ZRANB3: variants seen among roughly 807,000 people sequenced by gnomAD.
The protein encoded by ZRANB3 is DNA annealing helicase and endonuclease ZRANB3.
In ZRANB3, 125 loss-of-function variants were observed where a neutral mutation model predicts 133.8. The observed-to-expected ratio is 0.93, with a 90% CI of 0.81 to 1.08. The LOEUF is 1.08. Among genes scored for constraint, ZRANB3 ranks in the 50% least tolerant of loss-of-function variants. The pLI is 0.00. For synonymous variants in ZRANB3, 387 were observed against 432.7 expected, an observed-to-expected ratio of 0.89 and a Z score of 1.31; for missense variants, 1,229 against 1,275.5, an observed-to-expected ratio of 0.96 and a Z score of 0.56.
chr2:135,355,911 TTC>T (rs1247584875), intron 3 of ZRANB3, among the ~76,000 whole-genome samples: 1 of 152,208 alleles, frequency 6.6e-6, no homozygotes, highest in Non-Finnish European at 1.5e-5. Context: ...GAAAGCAGAA[TTC>T]TCTCTCTGCA....
intron 8 of ZRANB3, among the ~76,000 whole-genome samples, chr2:135,277,796 G>A (rs1246549914): frequency 6.6e-6 from 1 of 151,854 alleles, no homozygotes; most frequent in Non-Finnish European, 1.5e-5. Flanking sequence ...GTGGTAGCAC[G>A]TGCCTGTAAT....
At chr2:135,414,661 G>C (rs1411635796) in intron 2 of ZRANB3, among the ~76,000 whole-genome samples, 1 of 151,970 alleles carries the variant, frequency 6.6e-6, no homozygotes, top group African/African-American at 2.4e-5. Context: ...ATTTTTTTCA[G>C]CACCACACCA....
chr2:135,345,965 C>CTTA (rs1298119538), intron 5 of ZRANB3, among the ~76,000 whole-genome samples: 32 of 152,224 alleles, frequency 2.1e-4, no homozygotes, highest in Middle Eastern at 3.4e-3. Context: ...GTTTTAAAAC[C>CTTA]TTATATAGAC....
chr2:135,405,583 C>A (rs1436034809), intron 2 of ZRANB3, among the ~76,000 whole-genome samples: 2 of 152,172 alleles, frequency 1.3e-5, no homozygotes, highest in Non-Finnish European at 2.9e-5. Context: ...AAGCACTCCT[C>A]AACAAATGTA....
chr2:135,403,135 G>A (rs564296185), intron 2 of ZRANB3, among the ~76,000 whole-genome samples: 1 of 152,282 alleles, frequency 6.6e-6, no homozygotes, highest in African/African-American at 2.4e-5. Context: ...GCACCCAGCA[G>A]GAGCCGAAGC....
intron 19 of ZRANB3, 101 bp from the exon 20 acceptor site, chr2:135,203,064 TG>T: frequency 7.2e-7 from 1 of 1,390,304 alleles, no homozygotes; most frequent in South Asian, 1.4e-5. Context: ...AGGAAAATCA[TG>T]GGGAAAAATA....
At chr2:135,227,730 A>C in intron 14 of ZRANB3, 82 bp downstream of exon 14, 2 of 1,313,416 alleles carry the variant, frequency 1.5e-6, no homozygotes, top group Non-Finnish European at 2.1e-6. Flanking sequence ...GGAACAAGGT[A>C]GTAATTACTA....
intron 3 of ZRANB3, among the ~76,000 whole-genome samples, chr2:135,385,505 C>T (rs1292501822): frequency 6.6e-6 from 1 of 151,990 alleles, no homozygotes; most frequent in Non-Finnish European, 1.5e-5. Context: ...TCATATGGAA[C>T]CAAAAAAGAG....
intron 12 of ZRANB3, among the ~76,000 whole-genome samples, chr2:135,241,336 C>T (rs368539557): frequency 6.7e-6 from 1 of 149,842 alleles, no homozygotes. Flanking sequence ...ATATTTTTAA[C>T]ATCTAAAAGT....
rs2105026843 is a variant in ZRANB3 at position 135,197,273 on chromosome 2, T to TAA, written c.*3067_*3068dup. ...TATCCATGATTCTGTATCCTATGAG[T>TAA]AAACACAACCTATTTACTGTAAAGA... On this transcript the variant is annotated 3_prime_UTR_variant, in exon 21 of 21. Coordinates refer to ENST00000264159, the MANE Select transcript of ZRANB3 (RefSeq NM_032143.4). 1 of 152,348 alleles carries TAA rather than the reference T, an allele frequency of 6.6e-6. No individual in the cohort carries two copies. Among genetic ancestry groups the TAA allele is most frequent in the East Asian group, 1.9e-4 (1 of 5,190 alleles). The allele number at this position is 152,348 out of a possible 1,614,324, so 9.4% of individuals were successfully genotyped here.
intron 2 of ZRANB3, among the ~76,000 whole-genome samples, chr2:135,435,797 G>A (rs1399198701): frequency 6.6e-6 from 1 of 152,148 alleles, no homozygotes; most frequent in Non-Finnish European, 1.5e-5. Context: ...CTTTTGAGAA[G>A]TGTCTGTTCA....
chr2:135,411,475 A>T (rs1159659060), intron 2 of ZRANB3, among the ~76,000 whole-genome samples: 1 of 152,180 alleles, frequency 6.6e-6, no homozygotes, highest in Non-Finnish European at 1.5e-5. Context: ...TCATATATTT[A>T]TCACAGCACT....
intron 2 of ZRANB3, among the ~76,000 whole-genome samples, chr2:135,490,649 T>C (rs868319830): frequency 6.6e-6 from 1 of 152,206 alleles, no homozygotes; most frequent in Non-Finnish European, 1.5e-5. Context: ...ACTGGGTATA[T>C]ATCCAAAAGA....
intron 3 of ZRANB3, among the ~76,000 whole-genome samples, chr2:135,365,555 T>C (rs1685895480): frequency 6.6e-6 from 1 of 152,130 alleles, no homozygotes; most frequent in Non-Finnish European, 1.5e-5. Context: ...TTAAAAAAAG[T>C]GTATGAAAAA....
In ZRANB3 at chr2:135,275,888, A is replaced by G. The variant is rs1471158018; in HGVS notation, c.967-133T>C. 9.7e-6 allele frequency: 6 copies of G among 621,308 alleles called. No homozygotes were observed. The African/African-American group carries it at 1.1e-4, about 12-fold the overall frequency. 38.5% of individuals were successfully genotyped at this position (621,308 alleles called of 1,614,324 possible). A position where few individuals can be genotyped will look rare whatever the true frequency, so the allele number is the denominator to read the frequency against. On this transcript the variant is annotated intron_variant, in intron 8 of 20. Transcript: ENST00000264159. ...CTTTTAGCTGCATTGTTCTCTAGGT[A>G]GCCTAAGGAAGTAGAAGCCCACATA...
chr2:135,380,751 G>A (rs975967231), intron 3 of ZRANB3, among the ~76,000 whole-genome samples: 1 of 152,192 alleles, frequency 6.6e-6, no homozygotes, highest in Admixed American at 6.5e-5. Context: ...ACAAGCAAAA[G>A]AACCAGAGAA....
chr2:135,353,126 A>G (rs1047928252), intron 4 of ZRANB3, among the ~76,000 whole-genome samples: 20 of 152,144 alleles, frequency 1.3e-4, no homozygotes, highest in Non-Finnish European at 2.5e-4. Context: ...ATCAATGAAA[A>G]GTTGTGAGAT....
rs565211827 is a variant in ZRANB3, at chr2:135,244,469, G to A, written c.1540-13542C>T. The stretch of plus-strand genomic sequence containing the variant: ...GAAAATACAAAAAAATTAGTCGTGC[G>A]TGGTGGTGGGTGCCTGTAATCCCAG... On this transcript the variant is annotated intron_variant, in intron 12 of 20. Transcript: ENST00000264159. Among the ~76,000 whole-genome samples the A allele has an allele frequency of 3.3e-5, 5 of 152,222 alleles. No homozygotes were observed. The South Asian group carries it at 8.3e-4, about 25-fold the overall frequency.
intron 19 of ZRANB3, among the ~76,000 whole-genome samples, chr2:135,206,117 G>A (rs1693846749): frequency 6.6e-6 from 1 of 152,142 alleles, no homozygotes; most frequent in African/African-American, 2.4e-5. Context: ...ACCATTGATA[G>A]TATGATAGTA....
Sources: gnomAD v4.1 joint callset for allele counts (sites outside exome capture counted in the v4.1 genomes callset) on GRCh38, gnomAD v4.1.1 for gene constraint, MANE v1.5 for transcripts, NCBI Gene and HGNC (gene_info 2026-07-23, HGNC 2026-07-21) for gene names.